LIPJ: variants seen among roughly 807,000 people sequenced by gnomAD.
LIPJ encodes the protein lipase member J.
LIPJ carries 33 observed loss-of-function variants against 39.8 expected under a neutral mutation model. The ratio of observed to expected loss-of-function variants is 0.83; its 90% confidence interval spans 0.63 to 1.11. The LOEUF (loss-of-function observed/expected upper bound fraction) is 1.11, where lower values mean the gene tolerates loss of function less well. Ranked by LOEUF, LIPJ falls within the 50% of genes least tolerant of loss-of-function variation. The probability of loss-of-function intolerance (pLI) is 0.00; values close to 1 mark genes in which losing one functional copy is unlikely to be tolerated. For synonymous variants in LIPJ, 128 were observed against 139.2 expected, an observed-to-expected ratio of 0.92 and a Z score of 0.57; for missense variants, 422 against 427.9, an observed-to-expected ratio of 0.99 and a Z score of 0.12.
intron 4 of LIPJ, chr10:88,593,281 T>G (rs1273911968): frequency 2.0e-5 from 3 of 151,752 alleles, no homozygotes; most frequent in African/African-American, 7.3e-5. Context: ...GGCCTCTAGA[T>G]ATGTAGAGGC....
chr10:88,615,659 A>C, the LIPJ span, among the ~76,000 whole-genome samples: 1 of 151,570 alleles, frequency 6.6e-6, no homozygotes, highest in South Asian at 2.1e-4. Flanking sequence ...AAACAGAAAG[A>C]AATACCCTAA....
intron 6 of LIPJ, among the ~76,000 whole-genome samples, chr10:88,595,830 C>T (rs912799635): frequency 2.6e-5 from 4 of 151,398 alleles, no homozygotes; most frequent in African/African-American, 4.8e-5. Flanking sequence ...AAATAAGATG[C>T]TTAGTATCCT....
upstream of LIPJ, among the ~76,000 whole-genome samples, chr10:88,584,696 C>T (rs1850847505): frequency 6.6e-6 from 1 of 152,292 alleles, no homozygotes; most frequent in Admixed American, 6.5e-5. Context: ...CTCTTAGGCT[C>T]AAGCTATTCT....
intron 8 of LIPJ, among the ~76,000 whole-genome samples, chr10:88,601,735 A>T (rs1851487695): frequency 6.6e-6 from 1 of 152,192 alleles, no homozygotes; most frequent in African/African-American, 2.4e-5. Flanking sequence ...AATATTTGTG[A>T]GGCTTCTTAA....
chr10:88,594,836 ACTT>A (rs1324220601), intron 6 of LIPJ, 60 bp downstream of exon 6: 3 of 766,242 alleles, frequency 3.9e-6, no homozygotes, highest in African/African-American at 3.6e-5. Flanking sequence ...TTGTGCATAT[ACTT>A]CTTAAAGTTG....
At chr10:88,607,683 T>C (rs1851700697), downstream of LIPJ, among the ~76,000 whole-genome samples, 1 of 152,140 alleles carries the variant, frequency 6.6e-6, no homozygotes, top group Non-Finnish European at 1.5e-5. Flanking sequence ...GGACTAAGAT[T>C]TGGAATGAAA....
the LIPJ span, among the ~76,000 whole-genome samples, chr10:88,615,554 T>A: frequency 1.5e-5 from 2 of 136,748 alleles, no homozygotes; most frequent in African/African-American, 5.7e-5. Flanking sequence ...CTTGAACCTG[T>A]GAGGCAGAGG....
upstream of LIPJ, chr10:88,586,731 C>T (rs1850928509): frequency 6.6e-6 from 1 of 152,004 alleles, no homozygotes; most frequent in Non-Finnish European, 1.5e-5. Flanking sequence ...ACGCAGTTTC[C>T]CTGGCAACTA....
the LIPJ span, among the ~76,000 whole-genome samples, chr10:88,613,798 A>ATG: frequency 1.5e-4 from 8 of 52,046 alleles, 1 homozygote; most frequent in South Asian, 2.5e-3. Context: ...ATATATATAT[A>ATG]TATGTGTGTG....
the LIPJ span, among the ~76,000 whole-genome samples, chr10:88,613,796 A>ATG: frequency 9.0e-3 from 463 of 51,522 alleles, 4 homozygotes; most frequent in African/African-American, 0.027. Context: ...ATATATATAT[A>ATG]TATATGTGTG....
the LIPJ span, among the ~76,000 whole-genome samples, chr10:88,613,770 GTATATATATATATATA>G: frequency 1.2e-3 from 91 of 75,524 alleles, no homozygotes; most frequent in Admixed American, 2.3e-3. Context: ...ATGTGTGTGT[GTATATATATATATATA>G]TATATATATA....
chr10:88,584,741 G>A (rs1445272755), upstream of LIPJ, among the ~76,000 whole-genome samples: 1 of 152,182 alleles, frequency 6.6e-6, no homozygotes, highest in Non-Finnish European at 1.5e-5. Flanking sequence ...GGGACTACAG[G>A]TGCCCACCGC....
chr10:88,585,469 T>C (rs536422587), upstream of LIPJ, among the ~76,000 whole-genome samples: 3 of 152,314 alleles, frequency 2.0e-5, no homozygotes, highest in South Asian at 4.1e-4. Context: ...AACAGAAAAG[T>C]TGCTCAAATT....
chr10:88,586,560 C>T (rs558602981), upstream of LIPJ, among the ~76,000 whole-genome samples: 260 of 152,284 alleles, frequency 1.7e-3, 2 homozygotes, highest in African/African-American at 5.8e-3. Context: ...CACCCAGTGA[C>T]TCCCTAGTCC....
At chr10:88,608,533 C>T (rs537489114), downstream of LIPJ, among the ~76,000 whole-genome samples, 1 of 152,238 alleles carries the variant, frequency 6.6e-6, no homozygotes, top group Admixed American at 6.5e-5. Context: ...ATTTGTAGTC[C>T]CCAGGGAGAC....
chr10:88,620,980 C>T, the LIPJ span, among the ~76,000 whole-genome samples: 2 of 152,050 alleles, frequency 1.3e-5, no homozygotes, highest in Admixed American at 1.3e-4. Context: ...GACCATTTTT[C>T]TCATGTCTCT....
chr10:88,596,981 G>C, intron 8 of LIPJ, 45 bp downstream of exon 8: 1 of 1,127,518 alleles, frequency 8.9e-7, no homozygotes, highest in Non-Finnish European at 1.3e-6. Flanking sequence ...TCCAATATTT[G>C]GAAAGTATAA....
At chr10:88,597,405 T>C (rs376471581) in intron 8 of LIPJ, among the ~76,000 whole-genome samples, 117 of 152,024 alleles carry the variant, frequency 7.7e-4, no homozygotes, top group African/African-American at 2.5e-3. Context: ...GAAACTATTG[T>C]GGTACTCAAG....
chr10:88,609,053 C>A (rs541767516), downstream of LIPJ, among the ~76,000 whole-genome samples: 1 of 152,288 alleles, frequency 6.6e-6, no homozygotes, highest in South Asian at 2.1e-4. Flanking sequence ...CCTGCTCCCC[C>A]CTGTGGAGTA....
Sources: allele counts gnomAD v4.1 joint callset (sites outside exome capture counted in the v4.1 genomes callset), GRCh38; gene constraint gnomAD v4.1.1; transcripts MANE v1.5; gene names NCBI Gene and HGNC (gene_info 2026-07-23, HGNC 2026-07-21).